Variants in TMEM117 observed in about 807,000 individuals in gnomAD.
The protein encoded by TMEM117 is transmembrane protein 117.
Under a neutral mutation model 52.4 loss-of-function variants are expected in TMEM117, and 27 were observed. The ratio of observed to expected loss-of-function variants is 0.51; its 90% CI spans 0.38 to 0.71. TMEM117 has a LOEUF of 0.71. Ranked by LOEUF, TMEM117 falls within the 30% of genes least tolerant of loss-of-function variation. TMEM117 has a pLI of 0.00. For missense variants in TMEM117, 556 were observed against 630.5 expected (o/e 0.88, Z 1.26); for synonymous variants, 215 against 206.3 (o/e 1.04, Z -0.36).
At chr12:43,952,377 G>A (rs1945238514) in intron 3 of TMEM117, among the ~76,000 whole-genome samples, 1 of 152,042 alleles carries the variant, frequency 6.6e-6, no homozygotes, top group South Asian at 2.1e-4. Flanking sequence ...CCAATTCAAA[G>A]AAGCTAAGAC....
chr12:44,034,193 GA>G (rs1946676662), intron 3 of TMEM117, among the ~76,000 whole-genome samples: 1 of 152,126 alleles, frequency 6.6e-6, no homozygotes, highest in African/African-American at 2.4e-5. Context: ...TTTTACATCT[GA>G]AAAAACCCTC....
At chr12:44,285,449 T>A (rs1248213549) in intron 5 of TMEM117, among the ~76,000 whole-genome samples, 5 of 152,156 alleles carry the variant, frequency 3.3e-5, no homozygotes, top group African/African-American at 1.2e-4. Flanking sequence ...TGTGTTCAGA[T>A]TGGCCAAAAA....
intron 3 of TMEM117, among the ~76,000 whole-genome samples, chr12:44,115,179 G>A (rs1452193499): frequency 6.6e-6 from 1 of 152,120 alleles, no homozygotes; most frequent in East Asian, 1.9e-4. Flanking sequence ...AGAATTCTCT[G>A]CACTGTGTTT....
intron 5 of TMEM117, among the ~76,000 whole-genome samples, chr12:44,247,929 T>C (rs1950150762): frequency 6.6e-6 from 1 of 152,130 alleles, no homozygotes; most frequent in African/African-American, 2.4e-5. Context: ...TATGCCAGGC[T>C]TGTCTGGAGG....
intron 5 of TMEM117, among the ~76,000 whole-genome samples, chr12:44,220,316 G>A (rs897598390): frequency 2.6e-5 from 4 of 152,110 alleles, no homozygotes; most frequent in Admixed American, 2.6e-4. Flanking sequence ...CACTGTCAAA[G>A]ACTGAAGTTA....
chr12:44,219,357 G>A (rs1949759365), intron 5 of TMEM117, among the ~76,000 whole-genome samples: 1 of 152,150 alleles, frequency 6.6e-6, no homozygotes, highest in South Asian at 2.1e-4. Context: ...AGAATTTGCT[G>A]ATGATTAGAT....
At chr12:44,002,525 C>CT (rs1161956958) in intron 3 of TMEM117, among the ~76,000 whole-genome samples, 1 of 152,164 alleles carries the variant, frequency 6.6e-6, no homozygotes, top group African/African-American at 2.4e-5. Flanking sequence ...TAGGCATTGC[C>CT]TAGCTCTTCC....
intron 5 of TMEM117, among the ~76,000 whole-genome samples, chr12:44,240,361 A>G (rs564071748): frequency 6.6e-6 from 1 of 152,204 alleles, no homozygotes; most frequent in Admixed American, 6.6e-5. Flanking sequence ...AGTTGCACAT[A>G]TGACTTTCAT....
At chr12:44,373,379 C>T (rs1951891064) in intron 6 of TMEM117, among the ~76,000 whole-genome samples, 1 of 152,218 alleles carries the variant, frequency 6.6e-6, no homozygotes, top group Admixed American at 6.5e-5. Context: ...GGCAAAGGCC[C>T]CAGGGGGCCA....
chr12:44,142,613 C>A (rs116217105), intron 3 of TMEM117, among the ~76,000 whole-genome samples: 2,356 of 151,946 alleles, frequency 0.016, 69 homozygotes, highest in African/African-American at 0.053. Flanking sequence ...TACCAATACT[C>A]TAAATTGTAC....
intron 4 of TMEM117, among the ~76,000 whole-genome samples, chr12:44,154,378 C>G (rs1002940104): frequency 6.6e-6 from 1 of 151,922 alleles, no homozygotes; most frequent in Non-Finnish European, 1.5e-5. Flanking sequence ...GACTACTGAC[C>G]AGAGGTTATA....
At chr12:44,080,972 G>C (rs1376687137) in intron 3 of TMEM117, among the ~76,000 whole-genome samples, 2 of 151,226 alleles carry the variant, frequency 1.3e-5, no homozygotes, top group African/African-American at 4.9e-5. Flanking sequence ...TTCTGATTTT[G>C]ATACAAGATT....
At chr12:44,142,343 T>A (rs1397206644) in intron 3 of TMEM117, among the ~76,000 whole-genome samples, 4 of 152,274 alleles carry the variant, frequency 2.6e-5, no homozygotes, top group African/African-American at 4.8e-5. Context: ...GCCTCCAAGG[T>A]AGGTGAATGA....
chr12:44,005,199 A>G (rs1283434470), intron 3 of TMEM117, among the ~76,000 whole-genome samples: 1 of 152,226 alleles, frequency 6.6e-6, no homozygotes, highest in Admixed American at 6.5e-5. Flanking sequence ...TAGAAAAAAT[A>G]CCTGAAGACC....
intron 4 of TMEM117, among the ~76,000 whole-genome samples, chr12:44,170,709 G>T (rs996394556): frequency 1.3e-5 from 2 of 152,096 alleles, no homozygotes; most frequent in Admixed American, 6.5e-5. Flanking sequence ...ATAGATCAAT[G>T]TTCTCTTTTC....
At chr12:44,164,603 G>A (rs919696652) in intron 4 of TMEM117, among the ~76,000 whole-genome samples, 5 of 152,124 alleles carry the variant, frequency 3.3e-5, no homozygotes, top group African/African-American at 1.2e-4. Flanking sequence ...TGGAAATACA[G>A]GAACATGAAT....
chr12:44,097,771 A>G (rs1442338474), intron 3 of TMEM117, among the ~76,000 whole-genome samples: 1 of 145,808 alleles, frequency 6.9e-6, no homozygotes, highest in Non-Finnish European at 1.5e-5. Context: ...ATGACGAGTT[A>G]ATGGGTGCAA....
At chr12:44,236,435 T>C (rs1949997989) in intron 5 of TMEM117, among the ~76,000 whole-genome samples, 1 of 152,162 alleles carries the variant, frequency 6.6e-6, no homozygotes, top group Non-Finnish European at 1.5e-5. Context: ...TTTTTACTTC[T>C]AGAATTTCTA....
At chr12:44,275,696 C>T (rs1237965414) in intron 5 of TMEM117, among the ~76,000 whole-genome samples, 1 of 151,748 alleles carries the variant, frequency 6.6e-6, no homozygotes, top group Non-Finnish European at 1.5e-5. Context: ...AAGCCAAGCA[C>T]ACAAATAAGA....
Sources: gnomAD v4.1 joint callset for allele counts (sites outside exome capture counted in the v4.1 genomes callset) on GRCh38, gnomAD v4.1.1 for gene constraint, MANE v1.5 for transcripts, NCBI Gene and HGNC (gene_info 2026-07-23, HGNC 2026-07-21) for gene names.